Variants in RARB observed in about 807,000 individuals in gnomAD.
RARB encodes retinoic acid receptor beta.
In RARB, 17 loss-of-function variants were observed where a neutral mutation model predicts 51.9. The observed-to-expected ratio is 0.33, with a 90% confidence interval of 0.22 to 0.49. The LOEUF (loss-of-function observed/expected upper bound fraction) is 0.49. RARB is among the 20% of genes least tolerant of loss of function. The pLI, the probability that RARB is intolerant of heterozygous loss-of-function variation, is 0.99. For synonymous variants in RARB, 215 were observed against 195.4 expected, an observed-to-expected ratio of 1.10 and a Z score of -0.84; for missense variants, 369 against 550.8, an observed-to-expected ratio of 0.67 and a Z score of 3.30.
At chr3:25,115,262 T>C (rs147483796) in intron 3 of RARB, among the ~76,000 whole-genome samples, 2 of 152,312 alleles carry the variant, frequency 1.3e-5, no homozygotes, top group East Asian at 3.9e-4. Flanking sequence ...AAGTATAACA[T>C]TTAACATAAA....
rs141989655 is a variant in RARB, at chr3:25,016,556, T to A, written c.-379-43569T>A. ...GTTACTGGTTTGGAACATTCACAGA[T>A]GTCACACTTGTGATTTGCAGTTTAG... On this transcript the variant is annotated intron_variant, in intron 2 of 11. Transcript: ENST00000383772. Among the ~76,000 whole-genome samples the A allele has an allele frequency of 3.0e-3, 456 of 152,314 alleles. 3 individuals carry two copies. The highest frequency in any genetic ancestry group is 0.01 in the African/African-American group (424 of 41,568).
intron 2 of RARB, among the ~76,000 whole-genome samples, chr3:25,036,080 G>C (rs1322377106): frequency 6.6e-6 from 1 of 152,152 alleles, no homozygotes; most frequent in Non-Finnish European, 1.5e-5. Context: ...GAAAAGACAA[G>C]TATTTATTTT....
At chr3:25,291,789 C>T (rs74529888) in intron 5 of RARB, among the ~76,000 whole-genome samples, 2,285 of 152,042 alleles carry the variant, frequency 0.015, 61 homozygotes, top group African/African-American at 0.051. Context: ...TGGCTGTCCA[C>T]GGGCTAATTT....
At chr3:25,556,589 G>A (rs138798325) in intron 3 of RARB, among the ~76,000 whole-genome samples, 30 of 152,280 alleles carry the variant, frequency 2.0e-4, no homozygotes, top group Middle Eastern at 3.4e-3. Flanking sequence ...TCAAATTCTG[G>A]TCCTATAAAT....
At chr3:25,323,078 C>T (rs933929330) in intron 5 of RARB, among the ~76,000 whole-genome samples, 2 of 152,114 alleles carry the variant, frequency 1.3e-5, no homozygotes, top group African/African-American at 2.4e-5. Context: ...TATCTGTTGG[C>T]AGGTATGCCT....
intron 5 of RARB, among the ~76,000 whole-genome samples, chr3:25,249,989 G>A (rs965467954): frequency 2.2e-4 from 18 of 83,350 alleles, no homozygotes; most frequent in African/African-American, 1.5e-3. Context: ...CTCGGTGGGT[G>A]GGAAGATCTT....
intron 2 of RARB, among the ~76,000 whole-genome samples, chr3:24,862,716 G>T (rs1396950106): frequency 6.6e-6 from 1 of 152,174 alleles, no homozygotes; most frequent in East Asian, 1.9e-4. Flanking sequence ...TGGAATGTAT[G>T]CCCCACGTAT....
chr3:25,586,907 C>T (rs1575544686), intron 5 of RARB, among the ~76,000 whole-genome samples: 2 of 152,238 alleles, frequency 1.3e-5, no homozygotes, highest in East Asian at 1.9e-4. Context: ...CCCTGGGTCT[C>T]TCCTAGCCTC....
At chr3:25,229,576 C>A (rs920249989) in intron 5 of RARB, among the ~76,000 whole-genome samples, 1 of 151,956 alleles carries the variant, frequency 6.6e-6, no homozygotes, top group Non-Finnish European at 1.5e-5. Flanking sequence ...AATGTGTGGA[C>A]CTTTTGCTAT....
At chr3:25,575,832 A>C (rs1489600966) in intron 4 of RARB, among the ~76,000 whole-genome samples, 1 of 152,188 alleles carries the variant, frequency 6.6e-6, no homozygotes, top group Non-Finnish European at 1.5e-5. Context: ...CTTTTTGAGG[A>C]ACACAGTTTA....
At chr3:25,335,864 A>T (rs1705046892) in intron 5 of RARB, among the ~76,000 whole-genome samples, 1 of 152,216 alleles carries the variant, frequency 6.6e-6, no homozygotes, top group Admixed American at 6.5e-5. Flanking sequence ...GAGAACATGT[A>T]AAGCATTTAA....
intron 5 of RARB, among the ~76,000 whole-genome samples, chr3:25,392,354 C>T (rs1326138149): frequency 1.3e-5 from 2 of 150,598 alleles, no homozygotes; most frequent in Non-Finnish European, 3.0e-5. Flanking sequence ...TTTGCTTCAT[C>T]TGGCTTTGGC....
intron 5 of RARB, among the ~76,000 whole-genome samples, chr3:25,208,606 T>C (rs1377628144): frequency 6.6e-6 from 1 of 152,172 alleles, no homozygotes; most frequent in Non-Finnish European, 1.5e-5. Flanking sequence ...CTTTGTCTAT[T>C]CTTTTTTTTT....
rs1475324450 is a variant in RARB, at chr3:24,989,791, T to C, written c.-379-70334T>C. ...ATGTTTTTCTTTTTTTTTTTTTTTT[T>C]TTTTTTTTTTTTTTTTTTTGAGACG... On this transcript the variant is annotated intron_variant, in intron 2 of 11. Transcript: ENST00000383772. Among the ~76,000 whole-genome samples the C allele has an allele frequency of 5.3e-3, 123 of 23,202 alleles. 31 individuals carry two copies. The Middle Eastern group carries it at 0.1, about 19-fold the overall frequency. 15.2% of individuals were successfully genotyped at this position (23,202 alleles called of 152,430 possible).
Position 24,866,787 on chromosome 3 carries a change from T to A in RARB, c.-380+8035T>A, listed in dbSNP as rs1291793836. Among the ~76,000 whole-genome samples the A allele has an allele frequency of 2.6e-5, 4 of 152,174 alleles. No individual in the cohort carries two copies. The East Asian group carries it at 7.7e-4, about 29-fold the overall frequency. On this transcript the variant is annotated intron_variant, in intron 2 of 11. Transcript: ENST00000383772. ...TCAGGAGAATTGAAATAAAGAGTTT[T>A]ACACATGTAGAGCTGGTTAAAGGGG...
At chr3:25,345,380 C>T (rs1296439055) in intron 5 of RARB, among the ~76,000 whole-genome samples, 2 of 151,992 alleles carry the variant, frequency 1.3e-5, no homozygotes, top group East Asian at 1.9e-4. Flanking sequence ...ATAAGCAATT[C>T]ATCTGGCTGG....
In RARB at chr3:25,260,087, T is replaced by A. The variant is rs115243533; in HGVS notation, c.178+85512T>A. The stretch of plus-strand genomic sequence containing the variant: ...GGTTTTCTTGGGCACAAGGCCCAGA[T>A]GAGTTTCAGCTTTGTTTGTTGTTTG... On this transcript the variant is annotated intron_variant, in intron 5 of 11. Transcript: ENST00000383772. 1.9e-3 allele frequency: 1,397 copies of A among 739,924 alleles called. 12 individuals are homozygous for A. In the African/African-American group the frequency reaches 0.024, roughly 13 times the overall value. The allele number at this position is 739,924 out of a possible 1,614,324, so 45.8% of individuals were successfully genotyped here.
intron 5 of RARB, among the ~76,000 whole-genome samples, chr3:25,210,109 T>A (rs1232237995): frequency 3.9e-5 from 6 of 152,200 alleles, no homozygotes; most frequent in Non-Finnish European, 7.3e-5. Context: ...GCTCTATTGC[T>A]TCTCAGATTA....
At chr3:25,113,613 A>T (rs147746984) in intron 3 of RARB, among the ~76,000 whole-genome samples, 1 of 152,124 alleles carries the variant, frequency 6.6e-6, no homozygotes, top group Admixed American at 6.6e-5. Flanking sequence ...TCAAATCCTG[A>T]TAATCACCAC....
Sources: gnomAD v4.1 joint callset for allele counts (sites outside exome capture counted in the v4.1 genomes callset) on GRCh38, gnomAD v4.1.1 for gene constraint, MANE v1.5 for transcripts, NCBI Gene and HGNC (gene_info 2026-07-23, HGNC 2026-07-21) for gene names.